The following BORCS5 variants were observed in gnomAD, a reference collection of about 807,000 sequenced individuals.
BORCS5 encodes BLOC-1-related complex subunit 5.
Under a neutral mutation model 22.1 loss-of-function variants are expected in BORCS5, and 17 were observed. The observed-to-expected ratio is 0.77, with a 90% confidence interval of 0.53 to 1.15. The LOEUF is 1.15. Ranked by LOEUF, BORCS5 falls within the 50% of genes most tolerant of loss-of-function variation. The pLI is 0.00. For synonymous variants in BORCS5, 117 were observed against 99.8 expected (o/e 1.17, Z -1.03); for missense variants, 247 against 253.2 (o/e 0.98, Z 0.17).
rs1057356413 is a variant in BORCS5 at position 12,467,632 on chromosome 12, C to T, written c.*1856C>T. ...GAACAATAGGCAAATTCAATACTCC[C>T]GGAAAGAATTCTAGTTAGTTTAATA... On this transcript the variant is annotated 3_prime_UTR_variant, in exon 4 of 4. Transcript: ENST00000314565. 3 of 152,194 alleles carry T rather than the reference C, an allele frequency of 2.0e-5. No individual in the cohort carries two copies. Among genetic ancestry groups the T allele is most frequent in the Non-Finnish European group, 2.9e-5 (2 of 68,046 alleles). 9.4% of individuals were successfully genotyped at this position (152,194 alleles called of 1,614,324 possible). A position where few individuals can be genotyped will look rare whatever the true frequency, so the allele number is the denominator to read the frequency against.
chr12:12,431,590 C>T (rs1168358795), intron 2 of BORCS5, among the ~76,000 whole-genome samples: 17 of 151,396 alleles, frequency 1.1e-4, no homozygotes, highest in African/African-American at 2.2e-4. Context: ...TTAGTAGAGA[C>T]GGGGTTTCAC....
At chr12:12,415,168 A>T (rs988144126) in intron 2 of BORCS5, among the ~76,000 whole-genome samples, 4 of 151,660 alleles carry the variant, frequency 2.6e-5, no homozygotes, top group Non-Finnish European at 5.9e-5. Flanking sequence ...AGAGGCTGCA[A>T]TCTCGGCACT....
chr12:12,414,668 C>T (rs1311137651), intron 2 of BORCS5, among the ~76,000 whole-genome samples: 8 of 85,634 alleles, frequency 9.3e-5, no homozygotes, highest in South Asian at 6.0e-4. Context: ...CCGGACGGGG[C>T]GGCTGGCCGG....
In BORCS5 at chr12:12,467,889, T is replaced by C. The variant is rs556225259; in HGVS notation, c.*2113T>C. 6.6e-6 allele frequency: 1 copy of C among 152,280 alleles called. No individual in the cohort carries two copies. Among genetic ancestry groups the C allele is most frequent in the African/African-American group, 2.4e-5 (1 of 41,474 alleles). 9.4% of individuals were successfully genotyped at this position (152,280 alleles called of 1,614,324 possible). ...TACCATGGATCTCCTGCACTTGTGG[T>C]GTGGGCAGCCGCTGGGCCCACGGCT... On this transcript the variant is annotated 3_prime_UTR_variant, in exon 4 of 4. Coordinates refer to ENST00000314565, the MANE Select transcript of BORCS5 (RefSeq NM_058169.6).
At chr12:12,442,248 T>G (rs971401713) in intron 3 of BORCS5, among the ~76,000 whole-genome samples, 3 of 152,158 alleles carry the variant, frequency 2.0e-5, no homozygotes, top group Non-Finnish European at 4.4e-5. Context: ...TAGAACAAGT[T>G]GCAGCACAGA....
chr12:12,411,687 G>A (rs1941737947), intron 2 of BORCS5, among the ~76,000 whole-genome samples: 1 of 152,090 alleles, frequency 6.6e-6, no homozygotes, highest in African/African-American at 2.4e-5. Context: ...GCCCAATTCA[G>A]TGTCATGAAA....
At chr12:12,399,299 G>C (rs1463592881) in intron 2 of BORCS5, among the ~76,000 whole-genome samples, 2 of 151,984 alleles carry the variant, frequency 1.3e-5, no homozygotes, top group Non-Finnish European at 2.9e-5. Context: ...AAATTGGATG[G>C]AGGGAAGGAA....
At chr12:12,419,556 A>G (rs187414867) in intron 2 of BORCS5, among the ~76,000 whole-genome samples, 4 of 152,310 alleles carry the variant, frequency 2.6e-5, no homozygotes, top group Admixed American at 2.6e-4. Flanking sequence ...TTGGGTATAT[A>G]CCCAGTAATG....
intron 2 of BORCS5, among the ~76,000 whole-genome samples, chr12:12,379,237 C>T (rs371061534): frequency 6.0e-4 from 91 of 150,900 alleles, no homozygotes; most frequent in African/African-American, 2.0e-3. Flanking sequence ...TCTCTTGCCT[C>T]AGCCTCCTGA....
chr12:12,420,992 CA>C (rs1017322731), intron 2 of BORCS5, among the ~76,000 whole-genome samples: 3 of 152,192 alleles, frequency 2.0e-5, no homozygotes, highest in Non-Finnish European at 2.9e-5. Context: ...ATGTCATCTG[CA>C]AACAGGGACA....
chr12:12,426,736 T>G (rs1565902286), intron 2 of BORCS5, among the ~76,000 whole-genome samples: 1 of 152,244 alleles, frequency 6.6e-6, no homozygotes, highest in Non-Finnish European at 1.5e-5. Flanking sequence ...TGCTTTTACA[T>G]ATGAGAAAAT....
At chr12:12,465,449 G>A (rs1943182582) in intron 3 of BORCS5, 97 bp from the exon 4 acceptor site, 3 of 1,054,496 alleles carry the variant, frequency 2.8e-6, no homozygotes, top group Non-Finnish European at 4.2e-6. Flanking sequence ...GCTTCCACTG[G>A]ATCTGCGGGA....
At chr12:12,423,863 A>AT (rs1340478900) in intron 2 of BORCS5, among the ~76,000 whole-genome samples, 7 of 151,900 alleles carry the variant, frequency 4.6e-5, no homozygotes, top group East Asian at 3.9e-4. Flanking sequence ...TAATTTTTAT[A>AT]TTTTTTTGTA....
intron 3 of BORCS5, among the ~76,000 whole-genome samples, chr12:12,451,169 T>C (rs1440356648): frequency 6.6e-6 from 1 of 151,490 alleles, no homozygotes; most frequent in African/African-American, 2.4e-5. Flanking sequence ...ATTTATTCTT[T>C]TTTTTTTTTT....
intron 2 of BORCS5, among the ~76,000 whole-genome samples, chr12:12,374,489 G>GTT (rs1353696890): frequency 1.3e-5 from 2 of 149,244 alleles, no homozygotes; most frequent in Non-Finnish European, 3.0e-5. Flanking sequence ...AAAAAAAAAA[G>GTT]TTTATCTAGG....
At chr12:12,415,093 T>C (rs1258767844) in intron 2 of BORCS5, among the ~76,000 whole-genome samples, 5 of 145,434 alleles carry the variant, frequency 3.4e-5, no homozygotes, top group Admixed American at 1.4e-4. Context: ...AGGCTCCTCA[T>C]ATCCCAGACG....
rs117457927 is a variant in BORCS5, at chr12:12,376,680, A to T, written c.202+15331A>T. 8.7e-4 allele frequency among the ~76,000 whole-genome samples: 133 copies of T among 152,364 alleles called. 1 individual carries two copies. The highest frequency in any genetic ancestry group is 1.3e-3 in the East Asian group (7 of 5,192). ...TAAATCCAACAGAGAGTTAACAGTT[A>T]CATAGGCCAAAGGCAAATTAATAAT... On this transcript the variant is annotated intron_variant, in intron 2 of 3. Coordinates refer to ENST00000314565, the MANE Select transcript of BORCS5 (RefSeq NM_058169.6).
At chr12:12,414,931 T>TC (rs1941889717) in intron 2 of BORCS5, among the ~76,000 whole-genome samples, 1 of 136,142 alleles carries the variant, frequency 7.3e-6, no homozygotes, top group African/African-American at 2.8e-5. Context: ...GCAGAGGTGC[T>TC]CCCCACATCT....
intron 2 of BORCS5, among the ~76,000 whole-genome samples, chr12:12,393,299 CT>C (rs1941246353): frequency 6.6e-6 from 1 of 151,948 alleles, no homozygotes; most frequent in Admixed American, 6.6e-5. Flanking sequence ...AGGATGTACC[CT>C]AGTTTAAAAA....
Sources: gnomAD v4.1 joint callset for allele counts (sites outside exome capture counted in the v4.1 genomes callset) on GRCh38, gnomAD v4.1.1 for gene constraint, MANE v1.5 for transcripts, NCBI Gene and HGNC (gene_info 2026-07-23, HGNC 2026-07-21) for gene names.